The following COLEC12 variants were observed in gnomAD, a reference collection of about 807,000 sequenced individuals.
COLEC12 encodes the protein collectin-12.
A neutral mutation model predicts 71.1 loss-of-function variants in COLEC12; 33 were observed. That is an observed-to-expected ratio of 0.46 (90% confidence interval 0.35 to 0.62). The LOEUF is 0.62. Among genes scored for constraint, COLEC12 ranks in the 20% least tolerant of loss-of-function variants. The probability of loss-of-function intolerance (pLI) is 0.00; values close to 1 mark genes in which losing one functional copy is unlikely to be tolerated. For synonymous variants in COLEC12, 350 were observed against 353.0 expected (o/e 0.99, Z 0.10); for missense variants, 765 against 916.1 (o/e 0.84, Z 2.13).
chr18:407,887 T>A (rs543194177), intron 2 of COLEC12, among the ~76,000 whole-genome samples: 15 of 152,366 alleles, frequency 9.8e-5, no homozygotes, highest in African/African-American at 3.4e-4. Context: ...GAGCCCGCCC[T>A]AGGCCAATGA....
chr18:453,145 T>G (rs1201685274), intron 2 of COLEC12, among the ~76,000 whole-genome samples: 1 of 152,166 alleles, frequency 6.6e-6, no homozygotes, highest in Non-Finnish European at 1.5e-5. Context: ...CTTCCCCTCT[T>G]AAGATGTGTC....
chr18:326,507 C>G (rs1174823037), intron 8 of COLEC12, among the ~76,000 whole-genome samples: 1 of 152,192 alleles, frequency 6.6e-6, no homozygotes, highest in Non-Finnish European at 1.5e-5. Flanking sequence ...GCCACCACAC[C>G]TGGCTAATGT....
At chr18:395,500 G>C (rs531958994) in intron 2 of COLEC12, among the ~76,000 whole-genome samples, 1 of 152,144 alleles carries the variant, frequency 6.6e-6, no homozygotes, top group Non-Finnish European at 1.5e-5. Flanking sequence ...CTTTTCAAAC[G>C]ATAGAAACAG....
intron 1 of COLEC12, among the ~76,000 whole-genome samples, chr18:483,387 G>A (rs1175958722): frequency 6.7e-6 from 1 of 149,544 alleles, no homozygotes; most frequent in Non-Finnish European, 1.5e-5. Flanking sequence ...GACAGAGTGT[G>A]GGACTCCGTC....
In COLEC12 at chr18:455,533, G is replaced by A. The variant is rs144306167; in HGVS notation, c.58+25174C>T. 2.9e-3 allele frequency among the ~76,000 whole-genome samples: 448 copies of A among 152,180 alleles called. 4 individuals are homozygous for A. Among genetic ancestry groups the A allele is most frequent in the African/African-American group, 0.01 (423 of 41,518 alleles). On this transcript the variant is annotated intron_variant, in intron 2 of 9. Transcript: ENST00000400256. ...TGGGATACATGTGCAGAATGTACAGGTTTGTTACATAGGTATACATGTGCC... is the reference window on the plus strand; with the variant it reads ...TGGGATACATGTGCAGAATGTACAGATTTGTTACATAGGTATACATGTGCC...
intron 2 of COLEC12, among the ~76,000 whole-genome samples, chr18:454,128 T>C (rs998814646): frequency 6.6e-6 from 1 of 150,758 alleles, no homozygotes; most frequent in African/African-American, 2.4e-5. Flanking sequence ...GCCCTCCCCA[T>C]GGGCCCCCTG....
At chr18:444,020 G>A (rs1008980040) in intron 2 of COLEC12, among the ~76,000 whole-genome samples, 2 of 152,016 alleles carry the variant, frequency 1.3e-5, no homozygotes, top group African/African-American at 2.4e-5. Context: ...GAGTGTTGTC[G>A]GTGCCATGCT....
Position 408,264 on chromosome 18 carries a change from G to T in COLEC12, c.59-50742C>A, listed in dbSNP as rs1567898998. Among the ~76,000 whole-genome samples the T allele has an allele frequency of 2.0e-5, 3 of 152,114 alleles. No individual in the cohort carries two copies. The highest frequency in any genetic ancestry group is 4.4e-5 in the Non-Finnish European group (3 of 68,036). On this transcript the variant is annotated intron_variant, in intron 2 of 9. Transcript: ENST00000400256. This position sits in a 1 kb window ranked among gnomAD's most constrained non-coding sequence, Gnocchi z 4.3. ...TAGGTACAATGATACCTGAGAAAAC[G>T]TTATTAAAAGGTCAGCACAGTGCCT...
chr18:345,542 G>A (rs935391592), intron 5 of COLEC12, among the ~76,000 whole-genome samples: 6 of 152,216 alleles, frequency 3.9e-5, no homozygotes, highest in African/African-American at 1.4e-4. Flanking sequence ...AAGACACATC[G>A]TTTCCTTCCT....
At chr18:407,539 G>A (rs536030575) in intron 2 of COLEC12, among the ~76,000 whole-genome samples, 1 of 152,352 alleles carries the variant, frequency 6.6e-6, no homozygotes, top group African/African-American at 2.4e-5. Context: ...CAGCTTTGAA[G>A]GCAGTCAGGC....
chr18:368,627 G>C (rs916883854), intron 2 of COLEC12, among the ~76,000 whole-genome samples: 12 of 152,106 alleles, frequency 7.9e-5, no homozygotes, highest in Non-Finnish European at 1.5e-4. Flanking sequence ...AACTTTGGGA[G>C]GCCAAGGTGG....
At chr18:473,745 C>T (rs1159722034) in intron 2 of COLEC12, among the ~76,000 whole-genome samples, 1 of 152,202 alleles carries the variant, frequency 6.6e-6, no homozygotes, top group South Asian at 2.1e-4. Context: ...AAACTCTTTC[C>T]CACTCTACCC....
chr18:393,540 C>G (rs544944433), intron 2 of COLEC12, among the ~76,000 whole-genome samples: 40 of 152,154 alleles, frequency 2.6e-4, no homozygotes, highest in Admixed American at 5.9e-4. Context: ...ATCTATGATC[C>G]CATCACACCG....
At chr18:439,502 T>TC (rs1916471721) in intron 2 of COLEC12, among the ~76,000 whole-genome samples, 1 of 151,418 alleles carries the variant, frequency 6.6e-6, no homozygotes, top group Non-Finnish European at 1.5e-5. Flanking sequence ...GAGATTCTTT[T>TC]TTTTTTTTGC....
In COLEC12 at chr18:334,789, A is replaced by G; in HGVS notation, c.1769T>C (p.Val590Ala). ...PGPPGPSGAV[V>A]PLALQNEPTP... ...TGGCTCATTCTGCAGGGCCAGGGGC[A>G]CCACCGCTCCTGATGGGCCAGGAGG... The change falls in exon 6 of 10, where the codon GTG becomes GCG. Residue 590 changes from valine (V) to alanine (A), a missense_variant. Coordinates refer to ENST00000400256, the MANE Select transcript of COLEC12 (RefSeq NM_130386.3). 1 of 1,491,874 alleles carries G rather than the reference A, an allele frequency of 6.7e-7. No homozygotes were observed. The highest frequency in any genetic ancestry group is 8.9e-7 in the Non-Finnish European group (1 of 1,127,492). The allele number at this position is 1,491,874 out of a possible 1,614,324, so 92.4% of individuals were successfully genotyped here.
At chr18:432,785 A>C (rs1384166847) in intron 2 of COLEC12, among the ~76,000 whole-genome samples, 1 of 152,174 alleles carries the variant, frequency 6.6e-6, no homozygotes, top group Non-Finnish European at 1.5e-5. Context: ...AAAATCTCAC[A>C]AGCTGCAACC....
rs759824671 is a variant in COLEC12, at chr18:348,149, C to T, written c.196G>A (p.Asp66Asn). The T allele has an allele frequency of 5.6e-6, 9 of 1,612,010 alleles. No homozygotes were observed. Among genetic ancestry groups the T allele is most frequent in the Non-Finnish European group, 1.7e-6 (2 of 1,178,194 alleles). The change falls in exon 4 of 10, where the codon GAC (aspartate) becomes AAC (asparagine). Residue 66 changes from aspartate to asparagine, a missense_variant. By Grantham distance (23) the Asp-to-Asn change is conservative. Coordinates refer to ENST00000400256, the MANE Select transcript of COLEC12 (RefSeq NM_130386.3). ...ILGYKVVEKM[D>N]NVTGGMETSR... is the part of the protein sequence containing the mutation. ...GTTTCCATGCCACCTGTGACATTGT[C>T]CATTTTCTCTACAACTAAGATTTGG...
chr18:462,375 C>A (rs1365184741), intron 2 of COLEC12, among the ~76,000 whole-genome samples: 2 of 152,144 alleles, frequency 1.3e-5, no homozygotes, highest in Admixed American at 6.5e-5. Flanking sequence ...CTGCTACATG[C>A]CACAACATGG....
chr18:485,646 G>A (rs1917505278), intron 1 of COLEC12, among the ~76,000 whole-genome samples: 1 of 152,240 alleles, frequency 6.6e-6, no homozygotes, highest in African/African-American at 2.4e-5. Context: ...GACAGAGAAT[G>A]TTGAACAGAA....
Sources: allele counts gnomAD v4.1 joint callset (sites outside exome capture counted in the v4.1 genomes callset), GRCh38; gene constraint gnomAD v4.1.1; non-coding constraint Gnocchi (gnomAD v3.1); transcripts MANE v1.5; gene names NCBI Gene and HGNC (gene_info 2026-07-23, HGNC 2026-07-21).